Variants in CYP4F12 observed in about 807,000 individuals in gnomAD.
The protein encoded by CYP4F12 is cytochrome P450 4F12.
In CYP4F12, 60 loss-of-function variants were observed where a neutral mutation model predicts 56.5. That is an observed-to-expected ratio of 1.06 (90% CI 0.86 to 1.32). CYP4F12 has a LOEUF of 1.32. CYP4F12 is among the 40% of genes most tolerant of loss of function. The probability of loss-of-function intolerance (pLI) is 0.00; values close to 1 mark genes in which losing one functional copy is unlikely to be tolerated. For missense variants in CYP4F12, 711 were observed against 683.5 expected (o/e 1.04, Z -0.45); for synonymous variants, 263 against 264.9 (o/e 0.99, Z 0.07).
intron 2 of CYP4F12, among the ~76,000 whole-genome samples, chr19:15,677,126 C>T (rs1599946739): frequency 9.3e-6 from 1 of 107,564 alleles, no homozygotes; most frequent in African/African-American, 3.3e-5. Context: ...CTCACTCATT[C>T]ATATCCTCAC....
At chr19:15,693,056 C>T (rs775022736) in intron 9 of CYP4F12, among the ~76,000 whole-genome samples, 1 of 152,076 alleles carries the variant, frequency 6.6e-6, no homozygotes, top group Admixed American at 6.6e-5. Flanking sequence ...CCAGCCTGAG[C>T]AACAGAGACT....
rs1279894790 is a variant in CYP4F12 at position 15,678,357 on chromosome 19, AT to A, written c.296del (p.Ile99ThrfsTer30). The part of the protein sequence containing the change: ...TVWLGPIIPF[I>X]VLCHPDTIRS... ...ATGGCTGGGTCCCATCATCCCCTTC[AT>A]CGTTTTATGCCACCCTGACACCATC... On this transcript the variant is annotated frameshift_variant, in exon 3 of 13. Coordinates refer to ENST00000550308, the MANE Select transcript of CYP4F12 (RefSeq NM_023944.4). LOFTEE classifies it high-confidence loss of function. The A allele has an allele frequency of 1.9e-6, 3 of 1,614,070 alleles. No homozygotes were observed. The East Asian group carries it at 6.7e-5, about 36-fold the overall frequency.
rs1440992705 is a variant in CYP4F12, at chr19:15,683,725, AAGACTT to A, written c.881_886del (p.Lys294_Leu296delinsMet). The A allele has an allele frequency of 6.3e-7, 1 of 1,588,992 alleles. No homozygotes were observed. Among genetic ancestry groups the A allele is most frequent in the Non-Finnish European group, 8.6e-7 (1 of 1,168,476 alleles). ...TTTTTTCAAAGACAAAGCCAAGTCC[AAGACTT>A]TGGATTTCATTGATGTGCTTCTGCT... On this transcript the variant is annotated inframe_deletion, in exon 7 of 13. Coordinates refer to ENST00000550308, the MANE Select transcript of CYP4F12 (RefSeq NM_023944.4).
At chr19:15,675,130 G>A (rs10402724) in intron 2 of CYP4F12, among the ~76,000 whole-genome samples, 140,338 of 151,322 alleles carry the variant, frequency 0.93, 65,146 homozygotes, top group East Asian at 1. Context: ...AGATGTCCCA[G>A]TGAGCCCTGT....
At position 15,673,658 on chromosome 19, in the gene CYP4F12, C is replaced by T. The variant is rs1160969620; in HGVS notation, c.129C>T (p.Asn43=). The change falls in exon 2 of 13, where the codon AAC becomes AAT. Residue 43 remains asparagine (N), a synonymous_variant. Coordinates refer to ENST00000550308, the MANE Select transcript of CYP4F12 (RefSeq NM_023944.4). The part of the protein sequence containing the change: ...RILAWTYAFY[N]NCRRLQCFPQ... Reference sequence around the variant, plus strand: ...TGGCTTGGACCTATGCCTTCTATAACAACTGCCGCCGGCTCCAGTGTTTCC... The same window carrying T: ...TGGCTTGGACCTATGCCTTCTATAATAACTGCCGCCGGCTCCAGTGTTTCC... The T allele has an allele frequency of 1.9e-6, 3 of 1,614,174 alleles. No individual in the cohort carries two copies.
At chr19:15,684,756 TTGTGTGTGTG>T (rs3063212) in intron 7 of CYP4F12, 50 bp from the exon 8 acceptor site, 15,888 of 1,032,884 alleles carry the variant, frequency 0.015, 44 homozygotes, top group South Asian at 0.026. Flanking sequence ...ATAGTATAAT[TTGTGTGTGTG>T]TGTGTGTGTG....
chr19:15,687,719 A>G (rs1429966582), intron 9 of CYP4F12, among the ~76,000 whole-genome samples: 3 of 152,226 alleles, frequency 2.0e-5, no homozygotes, highest in African/African-American at 7.2e-5. Flanking sequence ...TCCAGACCAC[A>G]GGAGAAGGCC....
chr19:15,680,760 A>C (rs1224761917), intron 5 of CYP4F12: 10 of 548,324 alleles, frequency 1.8e-5, no homozygotes, highest in Non-Finnish European at 3.3e-5. Context: ...ATCCCTGTAA[A>C]CTCAAGAGAG....
In CYP4F12 at chr19:15,677,921, C is replaced by T. The variant is rs113442108; in HGVS notation, c.199-340C>T. Among the ~76,000 whole-genome samples, 143 of 133,276 alleles carry T rather than the reference C, an allele frequency of 1.1e-3. 43 individuals are homozygous for T. The highest frequency in any genetic ancestry group is 3.7e-3 in the African/African-American group (132 of 35,822). 87.4% of individuals were successfully genotyped at this position (133,276 alleles called of 152,430 possible). A position where few individuals can be genotyped will look rare whatever the true frequency, so the allele number is the denominator to read the frequency against. On this transcript the variant is annotated intron_variant, in intron 2 of 12. Transcript: ENST00000550308. ...TCACTCATTCCTCTACCCATGCACT[C>T]ATTCCTCTCCTTACTCACTCATTCC...
Position 15,682,403 on chromosome 19 carries a change from C to A in CYP4F12, c.540C>A (p.His180Gln), listed in dbSNP as rs139528870. ...SANIMLDKWQ[H>Q]LASEGSSRLD... ...TCTCTGGCCAGGACAAGTGGCAGCA[C>A]CTGGCCTCAGAGGGCAGCAGTCGTC... The change falls in exon 6 of 13, where the codon CAC becomes CAA. Residue 180 changes from histidine (H) to glutamine (Q), a missense_variant. Coordinates refer to ENST00000550308, the MANE Select transcript of CYP4F12 (RefSeq NM_023944.4). 1,536 of 1,613,252 alleles carry A rather than the reference C, an allele frequency of 9.5e-4. 23 individuals carry two copies. In the East Asian group the frequency reaches 0.031, roughly 33 times the overall value.
chr19:15,692,513 A>G (rs1343733031), intron 9 of CYP4F12, among the ~76,000 whole-genome samples: 2 of 152,208 alleles, frequency 1.3e-5, no homozygotes, highest in East Asian at 3.8e-4. Flanking sequence ...TATATGCTAA[A>G]GATGGTATCT....
At chr19:15,685,878 G>T (rs1425378205) in intron 9 of CYP4F12, among the ~76,000 whole-genome samples, 1 of 152,210 alleles carries the variant, frequency 6.6e-6, no homozygotes, top group African/African-American at 2.4e-5. Flanking sequence ...TCCTAAGGGA[G>T]ACCTGGGGGT....
intron 9 of CYP4F12, among the ~76,000 whole-genome samples, chr19:15,686,383 A>G (rs657182): frequency 0.025 from 3,775 of 152,140 alleles, 36 homozygotes; most frequent in African/African-American, 0.087. Context: ...GTCAAAAAGA[A>G]AGTCTGGGCA....
chr19:15,674,998 G>C (rs1350341062), intron 2 of CYP4F12, among the ~76,000 whole-genome samples: 2 of 152,220 alleles, frequency 1.3e-5, no homozygotes, highest in African/African-American at 4.8e-5. Flanking sequence ...CTGGGCTGCT[G>C]CTTTCCCGCA....
chr19:15,689,936 C>A (rs1272146065), intron 9 of CYP4F12, among the ~76,000 whole-genome samples: 1 of 152,094 alleles, frequency 6.6e-6, no homozygotes, highest in Admixed American at 6.6e-5. Flanking sequence ...ATATAATGAG[C>A]TTTGGAGACT....
chr19:15,688,711 T>G (rs796262719), intron 9 of CYP4F12, among the ~76,000 whole-genome samples: 26 of 152,292 alleles, frequency 1.7e-4, no homozygotes, highest in African/African-American at 5.3e-4. Context: ...TCAAATTACA[T>G]TACAAGGCTA....
chr19:15,689,988 C>T (rs777749436), intron 9 of CYP4F12, among the ~76,000 whole-genome samples: 18 of 152,092 alleles, frequency 1.2e-4, no homozygotes, highest in Non-Finnish European at 2.5e-4. Context: ...GAAAAGACTG[C>T]ATATTGGGGA....
chr19:15,696,270 T>G (rs1407023245), intron 11 of CYP4F12, 45 bp downstream of exon 11: 3 of 1,533,096 alleles, frequency 2.0e-6, no homozygotes, highest in Non-Finnish European at 2.7e-6. Context: ...TCCTCTACTT[T>G]TGTGTGTGTG....
chr19:15,690,553 A>G (rs2007822397), intron 9 of CYP4F12, among the ~76,000 whole-genome samples: 1 of 152,120 alleles, frequency 6.6e-6, no homozygotes, highest in Non-Finnish European at 1.5e-5. Flanking sequence ...TTCAGATCTC[A>G]CAGTTAATTA....
Sources: gnomAD v4.1 joint callset for allele counts (sites outside exome capture counted in the v4.1 genomes callset) on GRCh38, gnomAD v4.1.1 for gene constraint, MANE v1.5 for transcripts, NCBI Gene and HGNC (gene_info 2026-07-23, HGNC 2026-07-21) for gene names.